The following LRFN5 variants were observed in gnomAD, a reference collection of about 807,000 sequenced individuals.
The protein encoded by LRFN5 is leucine-rich repeat and fibronectin type-III domain-containing protein 5.
A neutral mutation model predicts 45.6 loss-of-function variants in LRFN5; 24 were observed. That is an observed-to-expected ratio of 0.53 (90% CI 0.38 to 0.74). The LOEUF (loss-of-function observed/expected upper bound fraction) is 0.74, where lower values mean the gene tolerates loss of function less well. LRFN5 is among the 30% of genes least tolerant of loss of function. The pLI is 0.00. For missense variants in LRFN5, 776 were observed against 861.5 expected (o/e 0.90, Z 1.24); for synonymous variants, 340 against 313.8 (o/e 1.08, Z -0.88).
At chr14:41,630,719 C>T (rs12590527) in intron 1 of LRFN5, among the ~76,000 whole-genome samples, 6,049 of 152,128 alleles carry the variant, frequency 0.04, 366 homozygotes, top group East Asian at 0.27. Context: ...CTGCTTCAAT[C>T]ATGGGACATA....
chr14:41,822,765 T>G, intron 2 of LRFN5, among the ~76,000 whole-genome samples: 1 of 149,086 alleles, frequency 6.7e-6, no homozygotes, highest in East Asian at 1.9e-4. Context: ...ACTATTATTG[T>G]GTTGCTCTCC....
At chr14:41,759,311 T>C (rs934423916) in intron 1 of LRFN5, among the ~76,000 whole-genome samples, 2 of 152,112 alleles carry the variant, frequency 1.3e-5, no homozygotes, top group Non-Finnish European at 2.9e-5. Flanking sequence ...TCAAAATCTC[T>C]CTTAACTATC....
intron 2 of LRFN5, among the ~76,000 whole-genome samples, chr14:41,775,525 G>A (rs1886257924): frequency 6.6e-6 from 1 of 152,204 alleles, no homozygotes; most frequent in Middle Eastern, 3.4e-3. Context: ...AAATCTTCAA[G>A]CTTTCACATA....
chr14:41,741,462 A>G (rs900739447), intron 1 of LRFN5, among the ~76,000 whole-genome samples: 7 of 151,858 alleles, frequency 4.6e-5, no homozygotes, highest in Non-Finnish European at 8.8e-5. Flanking sequence ...AATCACTTCA[A>G]TAAATGGTGT....
At chr14:41,861,364 C>A (rs1052187983) in intron 2 of LRFN5, among the ~76,000 whole-genome samples, 6 of 152,180 alleles carry the variant, frequency 3.9e-5, no homozygotes, top group Non-Finnish European at 8.8e-5. Flanking sequence ...AAGACCATTT[C>A]CTTCCCTACT....
At chr14:41,620,461 C>A (rs1409439687) in intron 1 of LRFN5, among the ~76,000 whole-genome samples, 1 of 151,946 alleles carries the variant, frequency 6.6e-6, no homozygotes, top group African/African-American at 2.4e-5. Context: ...TTTTGTGGTA[C>A]ATGTGTCACT....
chr14:41,829,103 A>G (rs1888391781), intron 2 of LRFN5, among the ~76,000 whole-genome samples: 1 of 151,978 alleles, frequency 6.6e-6, no homozygotes, highest in African/African-American at 2.4e-5. Flanking sequence ...AATCACTCCT[A>G]GTTTCACAAT....
intron 1 of LRFN5, among the ~76,000 whole-genome samples, chr14:41,753,721 A>C (rs1398164584): frequency 6.6e-6 from 1 of 152,144 alleles, no homozygotes; most frequent in Admixed American, 6.5e-5. Context: ...AACAGGGACC[A>C]TTTGACTTTC....
chr14:41,688,705 A>C (rs1361738044), intron 1 of LRFN5, among the ~76,000 whole-genome samples: 1 of 151,802 alleles, frequency 6.6e-6, no homozygotes, highest in Non-Finnish European at 1.5e-5. Context: ...AAAAACCATG[A>C]GATACCAAAA....
intron 2 of LRFN5, among the ~76,000 whole-genome samples, chr14:41,852,910 A>AT (rs1320028572): frequency 2.6e-5 from 4 of 151,874 alleles, no homozygotes; most frequent in Non-Finnish European, 4.4e-5. Flanking sequence ...AATGGAGGGT[A>AT]TTTTTTCTTT....
intron 1 of LRFN5, among the ~76,000 whole-genome samples, chr14:41,631,193 T>C (rs1406776610): frequency 1.3e-5 from 2 of 152,210 alleles, no homozygotes; most frequent in Non-Finnish European, 2.9e-5. Context: ...TTACTATTCC[T>C]CTGTTTACAC....
chr14:41,618,172 C>A (rs1887987107), intron 1 of LRFN5, among the ~76,000 whole-genome samples: 1 of 152,144 alleles, frequency 6.6e-6, no homozygotes, highest in Non-Finnish European at 1.5e-5. Flanking sequence ...TAACTGTTAT[C>A]AGGACAAATC....
At chr14:41,894,360 T>C (rs1290179830) in intron 4 of LRFN5, 1 of 857,342 alleles carries the variant, frequency 1.2e-6, no homozygotes, top group Non-Finnish European at 1.4e-6. Flanking sequence ...TATTTAATCA[T>C]ATGAGATTTA....
chr14:41,777,456 C>G (rs1886331683), intron 2 of LRFN5, among the ~76,000 whole-genome samples: 1 of 151,684 alleles, frequency 6.6e-6, no homozygotes, highest in South Asian at 2.1e-4. Context: ...TACATTTTTA[C>G]ATTGATTTGT....
intron 2 of LRFN5, among the ~76,000 whole-genome samples, chr14:41,865,081 A>T (rs1889792808): frequency 6.6e-6 from 1 of 152,184 alleles, no homozygotes; most frequent in Non-Finnish European, 1.5e-5. Context: ...GTATTGAGAT[A>T]TAATTCATGT....
intron 1 of LRFN5, among the ~76,000 whole-genome samples, chr14:41,654,125 C>T (rs766553369): frequency 2.6e-5 from 4 of 151,666 alleles, no homozygotes; most frequent in Non-Finnish European, 5.9e-5. Context: ...TGCAGCACAC[C>T]AACATGGCAC....
intron 2 of LRFN5, among the ~76,000 whole-genome samples, chr14:41,775,235 C>A (rs1380225154): frequency 6.6e-6 from 1 of 151,754 alleles, no homozygotes; most frequent in East Asian, 2.0e-4. Flanking sequence ...GGACTACAGG[C>A]GCCCACCACC....
chr14:41,704,408 TTCTCTCTCTCTC>T (rs141458106), intron 1 of LRFN5, among the ~76,000 whole-genome samples: 17 of 102,334 alleles, frequency 1.7e-4, no homozygotes, highest in South Asian at 3.9e-4. Flanking sequence ...TGTTATACTT[TTCTCTCTCTCTC>T]TCTCTCTCTC....
chr14:41,693,619 T>C (rs894967459), intron 1 of LRFN5, among the ~76,000 whole-genome samples: 7 of 152,204 alleles, frequency 4.6e-5, no homozygotes, highest in African/African-American at 1.7e-4. Flanking sequence ...CTTTAACATG[T>C]ATTGAAATGT....
Sources: gnomAD v4.1 joint callset for allele counts (sites outside exome capture counted in the v4.1 genomes callset) on GRCh38, gnomAD v4.1.1 for gene constraint, MANE v1.5 for transcripts, NCBI Gene and HGNC (gene_info 2026-07-23, HGNC 2026-07-21) for gene names.